SPON1: variants seen among roughly 807,000 people sequenced by gnomAD.
SPON1 encodes spondin-1.
A neutral mutation model predicts 111.7 loss-of-function variants in SPON1; 52 were observed. The ratio of observed to expected loss-of-function variants is 0.47; its 90% confidence interval spans 0.37 to 0.59. The LOEUF is 0.59. SPON1 is among the 20% of genes least tolerant of loss of function. The probability of loss-of-function intolerance (pLI) is 0.00; values close to 1 mark genes in which losing one functional copy is unlikely to be tolerated. For missense variants in SPON1, 957 were observed against 1,068.5 expected (o/e 0.90, Z 1.46); for synonymous variants, 410 against 395.8 (o/e 1.04, Z -0.43).
rs1181492362 is a variant in SPON1 at position 14,135,492 on chromosome 11, G to T, written c.749G>T (p.Gly250Val). Residue 250 changes from glycine to valine, a missense_variant, in exon 6 of 16, where the codon GGA (glycine) becomes GTA (valine). Transcript: ENST00000576479. The surrounding 1 kb of genome is among the most constrained non-coding windows in gnomAD (Gnocchi z 4.4). ...SKNYVLWEYG[G>V]YASEGVKQVA... ...AATTATGTACTGTGGGAATATGGAGGATATGCCAGCGAAGGCGTCAAACAA... is the reference window on the plus strand; with the variant it reads ...AATTATGTACTGTGGGAATATGGAGTATATGCCAGCGAAGGCGTCAAACAA... The T allele has an allele frequency of 5.6e-6, 9 of 1,613,840 alleles. No homozygotes were observed. The African/African-American group carries it at 1.2e-4, about 22-fold the overall frequency.
chr11:14,106,501 C>T lies in SPON1; in HGVS notation c.676+26480C>T, dbSNP rs141252315. Reference sequence around the variant, plus strand: ...AAGAAGGGCCAACTATTTATAATCACAAGTGGAGTTTCTGCAAAGGTCTCT... The same window carrying T: ...AAGAAGGGCCAACTATTTATAATCATAAGTGGAGTTTCTGCAAAGGTCTCT... On this transcript the variant is annotated intron_variant, in intron 5 of 15. Coordinates refer to ENST00000576479, the MANE Select transcript of SPON1 (RefSeq NM_006108.4). Among the ~76,000 whole-genome samples, 118 of 152,290 alleles carry T rather than the reference C, an allele frequency of 7.7e-4. 1 individual carries two copies. Among genetic ancestry groups the T allele is most frequent in the African/African-American group, 2.6e-3 (110 of 41,564 alleles).
At chr11:14,163,529 A>G (rs1464882026) in intron 6 of SPON1, among the ~76,000 whole-genome samples, 1 of 151,848 alleles carries the variant, frequency 6.6e-6, no homozygotes, top group Non-Finnish European at 1.5e-5. Context: ...TACTTCTTAT[A>G]GCCCCCCAGA....
At chr11:14,004,441 G>A (rs559152560) in intron 2 of SPON1, among the ~76,000 whole-genome samples, 9 of 152,214 alleles carry the variant, frequency 5.9e-5, no homozygotes, top group Admixed American at 1.3e-4. Flanking sequence ...ACCAATCTAC[G>A]TTTCCATCAA....
chr11:14,107,260 T>G (rs1305045530), intron 5 of SPON1, among the ~76,000 whole-genome samples: 1 of 152,180 alleles, frequency 6.6e-6, no homozygotes, highest in Non-Finnish European at 1.5e-5. Context: ...TTTGCTTTGT[T>G]GCACACACCC....
chr11:14,209,123 G>A (rs1310191172), intron 6 of SPON1, among the ~76,000 whole-genome samples: 1 of 152,066 alleles, frequency 6.6e-6, no homozygotes, highest in Non-Finnish European at 1.5e-5. Context: ...AGAGAGAAAG[G>A]GAGAAGTTAC....
chr11:14,033,136 G>T (rs1176515191), intron 2 of SPON1, among the ~76,000 whole-genome samples: 1 of 152,170 alleles, frequency 6.6e-6, no homozygotes, highest in Non-Finnish European at 1.5e-5. Context: ...CCAAGCCCAT[G>T]TTCATGGGAC....
intron 5 of SPON1, among the ~76,000 whole-genome samples, chr11:14,087,552 G>A (rs1554922806): frequency 2.6e-5 from 4 of 152,196 alleles, no homozygotes; most frequent in African/African-American, 9.7e-5. Context: ...TCTGAGGAGT[G>A]TTTTACTTCC....
intron 2 of SPON1, among the ~76,000 whole-genome samples, chr11:13,993,292 G>A (rs939523824): frequency 6.6e-6 from 1 of 151,836 alleles, no homozygotes; most frequent in Non-Finnish European, 1.5e-5. Flanking sequence ...TACCTGCTCT[G>A]GCCCCAACAG....
chr11:14,248,563 A>G (rs1417398805), intron 7 of SPON1, among the ~76,000 whole-genome samples: 7 of 152,082 alleles, frequency 4.6e-5, no homozygotes, highest in African/African-American at 1.7e-4. Flanking sequence ...AAGGGAAAAG[A>G]ATTTTCCTTT....
In SPON1 at chr11:14,183,448, T is replaced by C. The variant is rs185110112; in HGVS notation, c.825+47880T>C. Among the ~76,000 whole-genome samples the C allele has an allele frequency of 2.1e-3, 324 of 152,360 alleles. 1 individual carries two copies. Among genetic ancestry groups the C allele is most frequent in the African/African-American group, 7.2e-3 (300 of 41,584 alleles). On this transcript the variant is annotated intron_variant, in intron 6 of 15. Coordinates refer to ENST00000576479, the MANE Select transcript of SPON1 (RefSeq NM_006108.4). ...CCGTAAGTATTGCTAGCAGACACAA[T>C]GTCTGGTTAATATGCCACCATTGTT...
intron 2 of SPON1, among the ~76,000 whole-genome samples, chr11:14,019,880 C>T (rs1528670): frequency 0.3 from 45,219 of 152,072 alleles, 7,929 homozygotes; most frequent in South Asian, 0.5. Context: ...GGAAAACACT[C>T]TCCTCATAGG....
At chr11:14,125,701 G>A (rs1847450841) in intron 5 of SPON1, among the ~76,000 whole-genome samples, 1 of 152,232 alleles carries the variant, frequency 6.6e-6, no homozygotes, top group Non-Finnish European at 1.5e-5. Context: ...GATCCAGATA[G>A]TCACTGAATA....
chr11:14,192,625 C>T (rs988528358), intron 6 of SPON1, among the ~76,000 whole-genome samples: 1 of 150,968 alleles, frequency 6.6e-6, no homozygotes. Context: ...CCCTCCCTCA[C>T]GGTACACCCT....
chr11:14,096,788 T>C (rs782473978), intron 5 of SPON1, among the ~76,000 whole-genome samples: 8 of 152,210 alleles, frequency 5.3e-5, no homozygotes, highest in Non-Finnish European at 1.0e-4. Context: ...AACTCACTTC[T>C]CTTGCCCCAC....
intron 6 of SPON1, among the ~76,000 whole-genome samples, chr11:14,194,567 C>CACACACACACACACACACAG (rs150398912): frequency 7.2e-6 from 1 of 139,410 alleles, no homozygotes; most frequent in African/African-American, 2.7e-5. Flanking sequence ...CACACACACA[C>CACACACACACACACACACAG]GGACTGCCTG....
At chr11:14,211,636 T>C (rs962215978) in intron 6 of SPON1, among the ~76,000 whole-genome samples, 4 of 152,192 alleles carry the variant, frequency 2.6e-5, no homozygotes, top group African/African-American at 9.6e-5. Flanking sequence ...TATATTCTTA[T>C]ATTATTATAC....
rs1848630216 is a variant in SPON1 at position 14,041,396 on chromosome 11, G to A, written c.346-125G>A. 24 of 1,124,266 alleles carry A rather than the reference G, an allele frequency of 2.1e-5. No homozygotes were observed. The East Asian group carries it at 5.2e-4, about 24-fold the overall frequency. The allele number at this position is 1,124,266 out of a possible 1,614,324, so 69.6% of individuals were successfully genotyped here. A position where few individuals can be genotyped will look rare whatever the true frequency, so the allele number is the denominator to read the frequency against. On this transcript the variant is annotated intron_variant, in intron 2 of 15. Coordinates refer to ENST00000576479, the MANE Select transcript of SPON1 (RefSeq NM_006108.4). ...TGCCAAGCACTATTCTGGTGCCTGG[G>A]GATACAGAGTTGCTAACATAAAATG...
chr11:14,007,055 G>T (rs1392793768), intron 2 of SPON1, among the ~76,000 whole-genome samples: 1 of 152,196 alleles, frequency 6.6e-6, no homozygotes, highest in East Asian at 1.9e-4. Context: ...GTTTCCTGGA[G>T]AACAGTTTTT....
intron 6 of SPON1, among the ~76,000 whole-genome samples, chr11:14,242,787 A>G (rs1032543640): frequency 6.6e-6 from 1 of 152,172 alleles, no homozygotes; most frequent in Non-Finnish European, 1.5e-5. Flanking sequence ...GAGCCAGAGA[A>G]CCTGAGGGGC....
Sources: gnomAD v4.1 joint callset for allele counts (sites outside exome capture counted in the v4.1 genomes callset) on GRCh38, gnomAD v4.1.1 for gene constraint, Gnocchi (gnomAD v3.1) non-coding constraint, MANE v1.5 for transcripts, NCBI Gene and HGNC (gene_info 2026-07-23, HGNC 2026-07-21) for gene names.